APOBEC3G: variants seen among roughly 807,000 people sequenced by gnomAD.
APOBEC3G encodes the protein DNA dC->dU-editing enzyme APOBEC-3G.
A neutral mutation model predicts 50.0 loss-of-function variants in APOBEC3G; 44 were observed. That is an observed-to-expected ratio of 0.88 (90% CI 0.69 to 1.13). The LOEUF is 1.13. Ranked by LOEUF, APOBEC3G falls within the 50% of genes most tolerant of loss-of-function variation. The pLI is 0.00. For synonymous variants in APOBEC3G, 156 were observed against 175.3 expected (o/e 0.89, Z 0.87); for missense variants, 469 against 492.0 (o/e 0.95, Z 0.44).
At chr22:39,082,813 G>T (rs1332790555) in intron 4 of APOBEC3G, 2 of 152,306 alleles carry the variant, frequency 1.3e-5, no homozygotes, top group East Asian at 3.8e-4. Flanking sequence ...TTTCCCAGGG[G>T]AGTCCTGACC....
chr22:39,086,650 G>A (rs984421224), intron 6 of APOBEC3G, 83 bp downstream of exon 6: 14 of 1,502,822 alleles, frequency 9.3e-6, no homozygotes, highest in Middle Eastern at 2.5e-4. Context: ...GGGGAGGGTC[G>A]GCATCCCTGT....
rs1048531667 is a variant in APOBEC3G, at chr22:39,086,137, T to C, written c.736-142T>C. 4.1e-6 allele frequency: 4 copies of C among 966,990 alleles called. No homozygotes were observed. The African/African-American group carries it at 5.0e-5, about 12-fold the overall frequency. 59.9% of individuals were successfully genotyped at this position (966,990 alleles called of 1,614,324 possible). ...CTGAACCACATGGAGAAACCCCTTT[T>C]CTACTAGAAATACAAAATTAGCCTG... On this transcript the variant is annotated intron_variant, in intron 5 of 7. Coordinates refer to ENST00000407997, the MANE Select transcript of APOBEC3G (RefSeq NM_021822.4).
At chr22:39,078,204 A>C (rs1928248724) in intron 1 of APOBEC3G, among the ~76,000 whole-genome samples, 1 of 152,150 alleles carries the variant, frequency 6.6e-6, no homozygotes, top group South Asian at 2.1e-4. Context: ...GTTTGCAGTG[A>C]GCTGAGGTCG....
intron 2 of APOBEC3G, chr22:39,080,184 G>T: frequency 1.3e-6 from 1 of 741,946 alleles, no homozygotes; most frequent in South Asian, 5.5e-5. Flanking sequence ...GCTCCCCACT[G>T]ACTGCAGGCA....
chr22:39,077,256 T>C (rs1928191674), upstream of APOBEC3G: 1 of 1,548,646 alleles, frequency 6.5e-7, no homozygotes, highest in African/African-American at 1.4e-5. Flanking sequence ...TACGAGGCCC[T>C]GGGAGGTCAC....
chr22:39,077,732 G>T (rs765434996), intron 1 of APOBEC3G, among the ~76,000 whole-genome samples: 4 of 152,230 alleles, frequency 2.6e-5, no homozygotes, highest in Non-Finnish European at 4.4e-5. Context: ...CAAAGGATGA[G>T]TAGAGCAAGG....
chr22:39,085,542 A>G (rs1314326841), intron 5 of APOBEC3G, among the ~76,000 whole-genome samples: 2 of 152,230 alleles, frequency 1.3e-5, no homozygotes, highest in African/African-American at 4.8e-5. Flanking sequence ...CCAAATACTC[A>G]GTATCAGAGA....
At chr22:39,080,847 G>A in intron 2 of APOBEC3G, 86 bp from the exon 3 acceptor site, 1 of 1,202,834 alleles carries the variant, frequency 8.3e-7, no homozygotes, top group Non-Finnish European at 1.2e-6. Context: ...CTGGACTCCT[G>A]TCCTGGCCCC....
intron 1 of APOBEC3G, chr22:39,078,657 A>T (rs770946805): frequency 5.0e-6 from 2 of 403,356 alleles, no homozygotes; most frequent in Admixed American, 4.1e-5. Context: ...TCAGGAAGGA[A>T]CTGAGCTGAA....
At chr22:39,084,548 C>T (rs1928614198) in intron 5 of APOBEC3G, among the ~76,000 whole-genome samples, 1 of 151,730 alleles carries the variant, frequency 6.6e-6, no homozygotes, top group Non-Finnish European at 1.5e-5. Flanking sequence ...AAAAGTGCTT[C>T]CTGAGGACCC....
rs558352041 is a variant in APOBEC3G, at chr22:39,083,626, G to T, written c.582-105G>T. 5.1e-6 allele frequency: 7 copies of T among 1,361,812 alleles called. No homozygotes were observed. The East Asian group carries it at 1.2e-4, about 23-fold the overall frequency. The allele number at this position is 1,361,812 out of a possible 1,614,324, so 84.4% of individuals were successfully genotyped here. Reference sequence around the variant, plus strand: ...TGCTAAGGGATGTGGGGAGCCGGGGGAAGGAAGGAGGGTGGGGTGCAAGGG... The same window carrying T: ...TGCTAAGGGATGTGGGGAGCCGGGGTAAGGAAGGAGGGTGGGGTGCAAGGG... On this transcript the variant is annotated intron_variant, in intron 4 of 7. Transcript: ENST00000407997.
At chr22:39,086,021 T>C in intron 5 of APOBEC3G, among the ~76,000 whole-genome samples, 1 of 149,526 alleles carries the variant, frequency 6.7e-6, no homozygotes, top group East Asian at 2.0e-4. Context: ...AAAAATTCCC[T>C]CGGCCGGGCG....
chr22:39,080,766 G>T, intron 2 of APOBEC3G, 167 bp from the exon 3 acceptor site: 1 of 656,734 alleles, frequency 1.5e-6, no homozygotes, highest in Non-Finnish European at 2.6e-6. Context: ...TACTGAACAT[G>T]AGCTTTGGAG....
chr22:39,078,749 G>A (rs2146291715), intron 1 of APOBEC3G, 183 bp from the exon 2 acceptor site: 1 of 707,830 alleles, frequency 1.4e-6, no homozygotes, highest in South Asian at 2.8e-5. Flanking sequence ...TTTCGCTCTT[G>A]TCGCCCAGGC....
intron 2 of APOBEC3G, 66 bp from the exon 3 acceptor site, chr22:39,080,852 GGCCCCTCCTCCCCCT>G: frequency 1.6e-6 from 2 of 1,212,222 alleles, no homozygotes; most frequent in Non-Finnish European, 2.3e-6. Flanking sequence ...CTCCTGTCCT[GGCCCCTCCTCCCCCT>G]GCCCCACCCC....
chr22:39,084,858 C>G (rs960440879), intron 5 of APOBEC3G, among the ~76,000 whole-genome samples: 8 of 152,248 alleles, frequency 5.3e-5, no homozygotes, highest in Middle Eastern at 3.2e-3. Flanking sequence ...ACGTTCTTCC[C>G]TCGCCCTTGC....
intron 5 of APOBEC3G, among the ~76,000 whole-genome samples, chr22:39,085,034 A>T (rs1928633343): frequency 6.6e-6 from 1 of 152,130 alleles, no homozygotes; most frequent in Non-Finnish European, 1.5e-5. Flanking sequence ...AACCAGTGGG[A>T]TGGGACTCCC....
At chr22:39,081,846 C>A in intron 4 of APOBEC3G, 1 of 430,044 alleles carries the variant, frequency 2.3e-6, no homozygotes, top group Non-Finnish European at 4.2e-6. Flanking sequence ...TCCATCCACC[C>A]CCACAGCCTG....
At position 39,086,550 on chromosome 22, in the gene APOBEC3G, C is replaced by T. The variant is rs1163597348; in HGVS notation, c.1007C>T (p.Ser336Leu). The change falls in exon 6 of 8, where the codon TCA becomes TTA. Residue 336 changes from serine (S) to leucine (L), a missense_variant. Physicochemically the swap from Ser to Leu is moderately radical, Grantham distance 145. Transcript: ENST00000407997. ...CTGGCCGAGGCTGGGGCCAAAATTTCAATAATGACATACAGTGGTGAGAAT... is the reference window on the plus strand; with the variant it reads ...CTGGCCGAGGCTGGGGCCAAAATTTTAATAATGACATACAGTGGTGAGAAT... ...RTLAEAGAKI[S>L]IMTYSEFKHC... The T allele has an allele frequency of 6.2e-7, 1 of 1,607,024 alleles. No homozygotes were observed. Among genetic ancestry groups the T allele is most frequent in the Admixed American group, 1.7e-5 (1 of 59,746 alleles).
Sources: gnomAD v4.1 joint callset for allele counts (sites outside exome capture counted in the v4.1 genomes callset) on GRCh38, gnomAD v4.1.1 for gene constraint, MANE v1.5 for transcripts, NCBI Gene and HGNC (gene_info 2026-07-23, HGNC 2026-07-21) for gene names.